ANKS1B: variants seen among roughly 807,000 people sequenced by gnomAD.
ANKS1B encodes ankyrin repeat and sterile alpha motif domain containing 1B.
In ANKS1B, 36 loss-of-function variants were observed where a neutral mutation model predicts 148.3. That is an observed-to-expected ratio of 0.24 (90% confidence interval 0.19 to 0.32). The LOEUF (loss-of-function observed/expected upper bound fraction) is 0.32. Ranked by LOEUF, ANKS1B falls within the 10% of genes least tolerant of loss-of-function variation. ANKS1B has a pLI of 1.00. For missense variants in ANKS1B, 1,157 were observed against 1,542.6 expected, an observed-to-expected ratio of 0.75 and a Z score of 4.19; for synonymous variants, 542 against 560.8, an observed-to-expected ratio of 0.97 and a Z score of 0.47.
intron 17 of ANKS1B, among the ~76,000 whole-genome samples, chr12:98,874,546 C>A (rs2099682557): frequency 6.6e-6 from 1 of 152,036 alleles, no homozygotes; most frequent in Non-Finnish European, 1.5e-5. Flanking sequence ...TAAGAGGTGA[C>A]ACTAAGGCTC....
chr12:99,299,681 C>T (rs1249886929), intron 12 of ANKS1B, among the ~76,000 whole-genome samples: 4 of 152,184 alleles, frequency 2.6e-5, no homozygotes, highest in Non-Finnish European at 2.9e-5. Context: ...CCAAAGATCA[C>T]ACTCTGACAA....
intron 12 of ANKS1B, among the ~76,000 whole-genome samples, chr12:99,261,763 T>G (rs1262667135): frequency 6.6e-6 from 1 of 152,046 alleles, no homozygotes; most frequent in African/African-American, 2.4e-5. Flanking sequence ...ATTCTCAACA[T>G]AGAAGTCAGA....
At chr12:99,810,371 TAAC>T (rs1483787602) in intron 3 of ANKS1B, among the ~76,000 whole-genome samples, 1 of 151,874 alleles carries the variant, frequency 6.6e-6, no homozygotes, top group Non-Finnish European at 1.5e-5. Context: ...AGTTTATAAT[TAAC>T]AAGAAGATTC....
intron 12 of ANKS1B, among the ~76,000 whole-genome samples, chr12:99,279,904 T>G (rs917602552): frequency 6.6e-6 from 1 of 151,856 alleles, no homozygotes; most frequent in Non-Finnish European, 1.5e-5. Context: ...CCTGGGAAGA[T>G]GAGGTCGGAG....
intron 14 of ANKS1B, among the ~76,000 whole-genome samples, chr12:99,185,553 C>T (rs762246018): frequency 1.8e-4 from 27 of 152,090 alleles, no homozygotes; most frequent in Non-Finnish European, 2.6e-4. Context: ...CCCGGTTTGT[C>T]TCATTGGGAC....
intron 25 of ANKS1B, among the ~76,000 whole-genome samples, chr12:98,763,912 C>T (rs1412175531): frequency 6.6e-6 from 1 of 152,156 alleles, no homozygotes; most frequent in Non-Finnish European, 1.5e-5. Flanking sequence ...GGAGGTTGGG[C>T]CTTACTTTGT....
At chr12:99,637,147 A>G (rs746098993) in intron 9 of ANKS1B, among the ~76,000 whole-genome samples, 1 of 152,094 alleles carries the variant, frequency 6.6e-6, no homozygotes, top group Non-Finnish European at 1.5e-5. Context: ...CTCTACTAAA[A>G]ATACAAAAAA....
At chr12:99,252,438 A>G (rs1410916164) in intron 12 of ANKS1B, among the ~76,000 whole-genome samples, 3 of 152,212 alleles carry the variant, frequency 2.0e-5, no homozygotes, top group East Asian at 1.9e-4. Context: ...GGATAGTAAA[A>G]GAATAAAATG....
chr12:99,692,668 CA>C (rs71088139), intron 8 of ANKS1B, among the ~76,000 whole-genome samples: 39,004 of 128,256 alleles, frequency 0.3, 5,286 homozygotes, highest in African/African-American at 0.32. Context: ...AAGATTCTGT[CA>C]AAAAAAAAAA....
intron 17 of ANKS1B, chr12:98,894,954 C>A: frequency 1.2e-6 from 1 of 862,580 alleles, no homozygotes; most frequent in South Asian, 5.3e-5. Flanking sequence ...CCCTCGCACC[C>A]GCCCGGCTCC....
At chr12:98,933,677 T>G (rs2099815824) in intron 17 of ANKS1B, among the ~76,000 whole-genome samples, 1 of 152,062 alleles carries the variant, frequency 6.6e-6, no homozygotes, top group African/African-American at 2.4e-5. Context: ...TTTAAAAAAA[T>G]AATACTCATC....
At chr12:99,487,998 T>A (rs543285818) in intron 10 of ANKS1B, among the ~76,000 whole-genome samples, 53 of 152,272 alleles carry the variant, frequency 3.5e-4, no homozygotes, top group African/African-American at 1.3e-3. Flanking sequence ...GGCTGTGTTG[T>A]GTATTGTTGT....
intron 1 of ANKS1B, among the ~76,000 whole-genome samples, chr12:99,866,190 A>G (rs887245292): frequency 4.6e-5 from 7 of 152,054 alleles, no homozygotes; most frequent in Admixed American, 4.6e-4. Context: ...CTTGGTTCCT[A>G]TTGTTGGCAG....
chr12:98,842,411 T>C (rs768897016), intron 17 of ANKS1B, among the ~76,000 whole-genome samples: 6 of 152,172 alleles, frequency 3.9e-5, no homozygotes, highest in Non-Finnish European at 8.8e-5. Context: ...TCAGTGGTTA[T>C]CTGGAGTAGG....
chr12:99,946,404 T>C (rs1488735), intron 1 of ANKS1B, among the ~76,000 whole-genome samples: 91,255 of 151,704 alleles, frequency 0.6, 28,693 homozygotes, highest in Middle Eastern at 0.69. Flanking sequence ...AGAGTTCTGG[T>C]GTGCAGATGG....
At chr12:99,439,332 T>C (rs920259252) in intron 11 of ANKS1B, among the ~76,000 whole-genome samples, 1 of 151,672 alleles carries the variant, frequency 6.6e-6, no homozygotes, top group African/African-American at 2.4e-5. Flanking sequence ...ATTCTGCTCA[T>C]CAAAAGGCAC....
intron 10 of ANKS1B, among the ~76,000 whole-genome samples, chr12:99,461,073 C>A (rs535990351): frequency 6.0e-5 from 9 of 150,380 alleles, no homozygotes; most frequent in African/African-American, 7.4e-5. Flanking sequence ...TATACACATA[C>A]ACACACCATG....
At chr12:98,747,500 T>G (rs2097921386) in intron 26 of ANKS1B, among the ~76,000 whole-genome samples, 1 of 152,196 alleles carries the variant, frequency 6.6e-6, no homozygotes, top group Non-Finnish European at 1.5e-5. Flanking sequence ...TTCTACACTG[T>G]TGGTAGGAAT....
At chr12:99,788,796 G>A (rs910842357) in intron 4 of ANKS1B, among the ~76,000 whole-genome samples, 1 of 152,092 alleles carries the variant, frequency 6.6e-6, no homozygotes, top group African/African-American at 2.4e-5. Context: ...AGAGCCCTTG[G>A]GCTTTAAGTA....
Sources: gnomAD v4.1 joint callset for allele counts (sites outside exome capture counted in the v4.1 genomes callset) on GRCh38, gnomAD v4.1.1 for gene constraint, MANE v1.5 for transcripts, NCBI Gene and HGNC (gene_info 2026-07-23, HGNC 2026-07-21) for gene names.